The following AOPEP variants were observed in gnomAD, a reference collection of about 807,000 sequenced individuals.
AOPEP encodes the protein aminopeptidase O.
In AOPEP, 77 loss-of-function variants were observed where a neutral mutation model predicts 98.1. The observed-to-expected ratio is 0.78, with a 90% CI of 0.65 to 0.95. The LOEUF is 0.95. Among genes scored for constraint, AOPEP ranks in the 40% least tolerant of loss-of-function variants. The pLI, the probability that AOPEP is intolerant of heterozygous loss-of-function variation, is 0.00. For synonymous variants in AOPEP, 346 were observed against 365.3 expected (o/e 0.95, Z 0.60); for missense variants, 1,024 against 1,024.7 (o/e 1.00, Z 0.01).
At chr9:94,733,083 T>G (rs1830917037) in intron 1 of AOPEP, among the ~76,000 whole-genome samples, 1 of 151,774 alleles carries the variant, frequency 6.6e-6, no homozygotes, top group African/African-American at 2.4e-5. Flanking sequence ...CTGTATATGC[T>G]GTGTTTAATC....
chr9:94,761,052 C>T (rs562653989), intron 2 of AOPEP, among the ~76,000 whole-genome samples: 65 of 152,290 alleles, frequency 4.3e-4, no homozygotes, highest in African/African-American at 1.5e-3. Context: ...CCTTCCTTAC[C>T]GTACTTGTCT....
chr9:94,738,377 C>T (rs1353693983), intron 1 of AOPEP, among the ~76,000 whole-genome samples: 1 of 152,114 alleles, frequency 6.6e-6, no homozygotes, highest in African/African-American at 2.4e-5. Context: ...GCCTTCCACT[C>T]TCTGAATATG....
At chr9:94,781,541 T>A (rs1162144492) in intron 3 of AOPEP, among the ~76,000 whole-genome samples, 3 of 83,144 alleles carry the variant, frequency 3.6e-5, no homozygotes, top group Non-Finnish European at 6.8e-5. Context: ...AGTAATTTTT[T>A]GTTTAGTTTT....
At chr9:95,150,160 T>G in the AOPEP span, 2 of 1,546,336 alleles carry the variant, frequency 1.3e-6, no homozygotes, top group South Asian at 1.2e-5. Flanking sequence ...AAAACCTTCA[T>G]GCTAAAAAGG....
the AOPEP span, among the ~76,000 whole-genome samples, chr9:95,116,565 C>T: frequency 6.6e-6 from 1 of 152,236 alleles, no homozygotes; most frequent in Admixed American, 6.5e-5. Flanking sequence ...CCTTCTGTCT[C>T]CTCTCCTCCC....
At chr9:94,986,079 C>A in intron 11 of AOPEP, among the ~76,000 whole-genome samples, 1 of 152,182 alleles carries the variant, frequency 6.6e-6, no homozygotes, top group East Asian at 1.9e-4. Context: ...GTGGCTTAAA[C>A]AACAGAGATT....
At chr9:95,129,291 G>C in the AOPEP span, among the ~76,000 whole-genome samples, 1 of 152,194 alleles carries the variant, frequency 6.6e-6, no homozygotes, top group South Asian at 2.1e-4. Context: ...ATGAGGACTA[G>C]AGTACTACAG....
chr9:95,133,133 C>A, the AOPEP span, among the ~76,000 whole-genome samples: 2 of 152,224 alleles, frequency 1.3e-5, no homozygotes, highest in Non-Finnish European at 2.9e-5. Flanking sequence ...TCAGATGATG[C>A]AATTAGGAAG....
intron 5 of AOPEP, among the ~76,000 whole-genome samples, chr9:94,868,074 GAT>G (rs1412140106): frequency 6.6e-6 from 1 of 152,162 alleles, no homozygotes; most frequent in Non-Finnish European, 1.5e-5. Context: ...AAGATTTGTT[GAT>G]GACTAAGAAA....
intron 5 of AOPEP, among the ~76,000 whole-genome samples, chr9:94,863,240 C>CCCTCT (rs955214323): frequency 6.6e-6 from 1 of 151,792 alleles, no homozygotes; most frequent in African/African-American, 2.4e-5. Flanking sequence ...CCCTCCCCTC[C>CCCTCT]CCTCTCCTCT....
chr9:94,997,498 A>C (rs976236214), intron 11 of AOPEP, among the ~76,000 whole-genome samples: 1 of 152,182 alleles, frequency 6.6e-6, no homozygotes, highest in African/African-American at 2.4e-5. Context: ...TCTCAATGCT[A>C]CCTGCACATT....
At chr9:94,888,311 G>GTGTC (rs889516964) in intron 5 of AOPEP, among the ~76,000 whole-genome samples, 15 of 151,600 alleles carry the variant, frequency 9.9e-5, no homozygotes, top group African/African-American at 3.4e-4. Flanking sequence ...GTGTGTGTGT[G>GTGTC]TGTGTGTGTG....
At chr9:95,082,433 C>A in intron 15 of AOPEP, 142 bp from the exon 16 acceptor site, 1 of 862,018 alleles carries the variant, frequency 1.2e-6, no homozygotes, top group Non-Finnish European at 1.7e-6. Flanking sequence ...CACAGTCAGC[C>A]CACGGCCTCT....
downstream of AOPEP, among the ~76,000 whole-genome samples, chr9:95,091,171 A>G (rs1461418687): frequency 6.6e-6 from 1 of 152,226 alleles, no homozygotes; most frequent in Non-Finnish European, 1.5e-5. Flanking sequence ...TTCAAGTTCT[A>G]GACCAAGCAC....
Position 94,900,498 on chromosome 9 carries a change from G to A in AOPEP, c.1365-23488G>A, listed in dbSNP as rs976757545. ...TTTCTCACCATCTTTAGCCTTCTGGGTATTCCTCATGCTTCCCCCTCTCTC... is the reference window on the plus strand; with the variant it reads ...TTTCTCACCATCTTTAGCCTTCTGGATATTCCTCATGCTTCCCCCTCTCTC... On this transcript the variant is annotated intron_variant, in intron 5 of 16. Transcript: ENST00000375315. 3.3e-5 allele frequency: 5 copies of A among 152,128 alleles called. No homozygotes were observed. The South Asian group carries it at 8.3e-4, about 25-fold the overall frequency. 9.4% of individuals were successfully genotyped at this position (152,128 alleles called of 1,614,324 possible).
At chr9:94,868,953 G>A (rs1332841640) in intron 5 of AOPEP, among the ~76,000 whole-genome samples, 1 of 152,164 alleles carries the variant, frequency 6.6e-6, no homozygotes, top group East Asian at 1.9e-4. Flanking sequence ...TTTTGGCCAG[G>A]CATGGGGGCT....
the AOPEP span, among the ~76,000 whole-genome samples, chr9:95,144,069 C>T: frequency 2.8e-5 from 4 of 144,560 alleles, no homozygotes; most frequent in South Asian, 2.4e-4. Context: ...AGGCTAAACA[C>T]GGGTTAGAGT....
chr9:94,937,933 C>T (rs138367588), intron 7 of AOPEP, among the ~76,000 whole-genome samples: 4 of 152,228 alleles, frequency 2.6e-5, no homozygotes, highest in African/African-American at 7.2e-5. Flanking sequence ...AGTGCAGTGG[C>T]GTGGTCTCGG....
At chr9:94,751,536 G>T (rs1835770894) in intron 1 of AOPEP, among the ~76,000 whole-genome samples, 1 of 152,158 alleles carries the variant, frequency 6.6e-6, no homozygotes, top group Non-Finnish European at 1.5e-5. Context: ...AGAGTTACTA[G>T]ACAAAGACAG....
Sources: gnomAD v4.1 joint callset for allele counts (sites outside exome capture counted in the v4.1 genomes callset) on GRCh38, gnomAD v4.1.1 for gene constraint, MANE v1.5 for transcripts, NCBI Gene and HGNC (gene_info 2026-07-23, HGNC 2026-07-21) for gene names.